Variants in LRRC4C observed in about 807,000 individuals in gnomAD.
LRRC4C encodes leucine rich repeat containing 4C, also known as leucine-rich repeat-containing protein 4C.
In LRRC4C, 5 loss-of-function variants were observed where a neutral mutation model predicts 33.6. That is an observed-to-expected ratio of 0.15 (90% confidence interval 0.08 to 0.31). The LOEUF (loss-of-function observed/expected upper bound fraction) is 0.31, where lower values mean the gene tolerates loss of function less well. Ranked by LOEUF, LRRC4C falls within the 10% of genes least tolerant of loss-of-function variation. The pLI is 1.00. For missense variants in LRRC4C, 560 were observed against 796.7 expected, an observed-to-expected ratio of 0.70 and a Z score of 3.58; for synonymous variants, 329 against 302.0, an observed-to-expected ratio of 1.09 and a Z score of -0.93.
chr11:40,398,870 A>G (rs1397967309), intron 3 of LRRC4C, among the ~76,000 whole-genome samples: 1 of 152,120 alleles, frequency 6.6e-6, no homozygotes, highest in Non-Finnish European at 1.5e-5. Context: ...CATCATTATT[A>G]TCAATGGTTG....
intron 3 of LRRC4C, among the ~76,000 whole-genome samples, chr11:40,422,928 A>G (rs1950570526): frequency 6.6e-6 from 1 of 151,384 alleles, no homozygotes; most frequent in East Asian, 1.9e-4. Context: ...ATTAAAAATT[A>G]AATTAAATAA....
chr11:41,054,611 T>A (rs146482918), intron 1 of LRRC4C, among the ~76,000 whole-genome samples: 1 of 152,328 alleles, frequency 6.6e-6, no homozygotes, highest in African/African-American at 2.4e-5. Context: ...AAGAATCAAT[T>A]TCAGCGAGTT....
At chr11:41,330,258 G>T (rs1046022821) in intron 1 of LRRC4C, among the ~76,000 whole-genome samples, 2 of 151,966 alleles carry the variant, frequency 1.3e-5, no homozygotes, top group African/African-American at 4.8e-5. Context: ...TATCTTTTTT[G>T]TTACAAATTA....
At chr11:40,629,911 G>A (rs1963305660) in intron 3 of LRRC4C, among the ~76,000 whole-genome samples, 1 of 152,080 alleles carries the variant, frequency 6.6e-6, no homozygotes, top group Admixed American at 6.6e-5. Flanking sequence ...TATGTTAAAT[G>A]TGGTTAATAT....
intron 1 of LRRC4C, among the ~76,000 whole-genome samples, chr11:41,438,493 C>T (rs529991368): frequency 1.3e-5 from 2 of 152,244 alleles, no homozygotes; most frequent in African/African-American, 4.8e-5. Flanking sequence ...GAAAGCATCT[C>T]TGAAAGAGTA....
At chr11:41,163,301 T>TTTTTTTTTTTTTTTTTA (rs71063903) in intron 1 of LRRC4C, among the ~76,000 whole-genome samples, 1 of 140,508 alleles carries the variant, frequency 7.1e-6, no homozygotes, top group African/African-American at 2.6e-5. Context: ...TTTTTTTTTT[T>TTTTTTTTTTTTTTTTTA]CAAACAGGGT....
intron 3 of LRRC4C, among the ~76,000 whole-genome samples, chr11:40,617,749 C>T (rs1003926380): frequency 6.6e-6 from 1 of 151,526 alleles, no homozygotes; most frequent in Non-Finnish European, 1.5e-5. Flanking sequence ...TCATACATGC[C>T]TAGGAAAAAA....
intron 3 of LRRC4C, among the ~76,000 whole-genome samples, chr11:40,323,584 G>T (rs930105969): frequency 6.6e-6 from 1 of 152,202 alleles, no homozygotes; most frequent in Non-Finnish European, 1.5e-5. Flanking sequence ...GTTATAAAAT[G>T]CAGCTAGCAA....
intron 3 of LRRC4C, among the ~76,000 whole-genome samples, chr11:40,417,915 G>T (rs1049767049): frequency 6.6e-6 from 1 of 152,150 alleles, no homozygotes; most frequent in Non-Finnish European, 1.5e-5. Context: ...CTGGTATCAC[G>T]CAGAGCCAAT....
intron 2 of LRRC4C, among the ~76,000 whole-genome samples, chr11:40,882,125 T>C (rs1282860699): frequency 6.6e-6 from 1 of 152,082 alleles, no homozygotes; most frequent in African/African-American, 2.4e-5. Context: ...AATGGCTGCT[T>C]TCCAATAAAA....
intron 2 of LRRC4C, among the ~76,000 whole-genome samples, chr11:40,700,719 A>T (rs2136483370): frequency 6.6e-6 from 1 of 152,312 alleles, no homozygotes; most frequent in Non-Finnish European, 1.5e-5. Flanking sequence ...GGAACCTCAT[A>T]CAAATGCACT....
At chr11:40,714,396 T>C (rs181351270) in intron 2 of LRRC4C, among the ~76,000 whole-genome samples, 4 of 152,342 alleles carry the variant, frequency 2.6e-5, no homozygotes, top group Admixed American at 2.0e-4. Flanking sequence ...TATTTCTTAA[T>C]TATCTCACAG....
At chr11:40,877,643 C>T (rs1367237713) in intron 2 of LRRC4C, among the ~76,000 whole-genome samples, 1 of 152,126 alleles carries the variant, frequency 6.6e-6, no homozygotes, top group Non-Finnish European at 1.5e-5. Context: ...TCTTCACCAA[C>T]CGTAAAGGGC....
intron 5 of LRRC4C, among the ~76,000 whole-genome samples, chr11:40,215,146 T>G (rs1863884495): frequency 6.6e-6 from 1 of 152,182 alleles, no homozygotes; most frequent in African/African-American, 2.4e-5. Flanking sequence ...CTGTGTCCAC[T>G]ACCAGCATCC....
intron 4 of LRRC4C, among the ~76,000 whole-genome samples, chr11:40,297,110 A>T (rs1163641772): frequency 6.6e-6 from 1 of 152,248 alleles, no homozygotes; most frequent in Non-Finnish European, 1.5e-5. Context: ...GTAATCAGAA[A>T]TACAAAATAG....
chr11:41,091,957 T>C (rs1334973162), intron 1 of LRRC4C, among the ~76,000 whole-genome samples: 1 of 152,098 alleles, frequency 6.6e-6, no homozygotes, highest in Non-Finnish European at 1.5e-5. Flanking sequence ...TAAGGAATTA[T>C]CATAGTTGCA....
At chr11:41,188,901 G>GCCCC (rs531976924) in intron 1 of LRRC4C, among the ~76,000 whole-genome samples, 104 of 124,250 alleles carry the variant, frequency 8.4e-4, no homozygotes, top group African/African-American at 3.0e-3. Context: ...AACAGGACCT[G>GCCCC]CCCCCCCCCC....
At chr11:40,842,863 TG>T (rs1354465001) in intron 2 of LRRC4C, among the ~76,000 whole-genome samples, 1 of 152,188 alleles carries the variant, frequency 6.6e-6, no homozygotes, top group African/African-American at 2.4e-5. Flanking sequence ...TCTACAACTC[TG>T]TGGTGTTTTC....
At chr11:41,048,073 CTTGGCAGCAGAATAAATACTTTTTTT>C (rs1358465202) in intron 1 of LRRC4C, among the ~76,000 whole-genome samples, 1 of 152,104 alleles carries the variant, frequency 6.6e-6, no homozygotes, top group Non-Finnish European at 1.5e-5. Context: ...TGCTAAAATG[CTTGGCAGCAGAATAAATACTTTTTTT>C]ACCTTTTCTT....
Sources: allele counts gnomAD v4.1 joint callset (sites outside exome capture counted in the v4.1 genomes callset), GRCh38; gene constraint gnomAD v4.1.1; transcripts MANE v1.5; gene names NCBI Gene and HGNC (gene_info 2026-07-23, HGNC 2026-07-21).